The following THSD7B variants were observed in gnomAD, a reference collection of about 807,000 sequenced individuals.
THSD7B encodes the protein thrombospondin type-1 domain-containing protein 7B.
A neutral mutation model predicts 213.6 loss-of-function variants in THSD7B; 138 were observed. The observed-to-expected ratio is 0.65, with a 90% CI of 0.56 to 0.74. THSD7B has a LOEUF of 0.74. THSD7B is among the 30% of genes least tolerant of loss of function. THSD7B has a pLI of 0.00. For synonymous variants in THSD7B, 742 were observed against 687.0 expected (o/e 1.08, Z -1.25); for missense variants, 1,931 against 1,991.5 (o/e 0.97, Z 0.58).
intron 2 of THSD7B, among the ~76,000 whole-genome samples, chr2:137,054,969 C>T (rs1360167685): frequency 6.6e-6 from 1 of 152,030 alleles, no homozygotes; most frequent in Admixed American, 6.6e-5. Flanking sequence ...GGGTGATATT[C>T]CCCTCCCTGT....
chr2:136,984,086 T>C (rs1685631206), intron 2 of THSD7B, among the ~76,000 whole-genome samples: 1 of 152,232 alleles, frequency 6.6e-6, no homozygotes, highest in South Asian at 2.1e-4. Context: ...AAAGAAAATA[T>C]TGGATAAGCA....
chr2:137,048,736 A>G (rs913783951), intron 2 of THSD7B, among the ~76,000 whole-genome samples: 6 of 152,206 alleles, frequency 3.9e-5, no homozygotes, highest in Non-Finnish European at 7.3e-5. Context: ...TTCAGCATGT[A>G]TTGATCATTC....
rs139670383 is a variant in THSD7B, at chr2:137,232,979, G to A, written c.1996G>A (p.Glu666Lys). The change falls in exon 9 of 28, where the codon GAG becomes AAG. Residue 666 changes from glutamate to lysine, a missense_variant. By Grantham distance (56) the Glu-to-Lys change is moderately conservative. Transcript: ENST00000409968. ...NDHSCMQLHWETSPWGPCSED... is the reference protein window; with the variant it reads ...NDHSCMQLHWKTSPWGPCSED... ...CCATTCCTGTATGCAGCTTCACTGG[G>A]AGACATCGCCTTGGGGCCCTTGTTC... 254 of 1,613,974 alleles carry A rather than the reference G, an allele frequency of 1.6e-4. 3 individuals are homozygous for A. The African/African-American group carries it at 2.7e-3, about 17-fold the overall frequency.
chr2:137,597,968 A>G (rs1405587371), intron 17 of THSD7B, among the ~76,000 whole-genome samples: 1 of 152,136 alleles, frequency 6.6e-6, no homozygotes, highest in Non-Finnish European at 1.5e-5. Flanking sequence ...AATAAATGGT[A>G]GAAGACATAA....
chr2:137,526,612 C>A (rs1183332493), intron 15 of THSD7B, among the ~76,000 whole-genome samples: 1 of 152,034 alleles, frequency 6.6e-6, no homozygotes, highest in African/African-American at 2.4e-5. Flanking sequence ...TTAGTAGAGA[C>A]AGGGTTTTGC....
intron 1 of THSD7B, among the ~76,000 whole-genome samples, chr2:136,811,406 C>G (rs1259105521): frequency 6.6e-6 from 1 of 152,032 alleles, no homozygotes; most frequent in Non-Finnish European, 1.5e-5. Flanking sequence ...GACTCATGCC[C>G]TTCTTGCTTT....
At chr2:137,281,147 A>C (rs1682999897) in intron 12 of THSD7B, among the ~76,000 whole-genome samples, 1 of 152,086 alleles carries the variant, frequency 6.6e-6, no homozygotes, top group African/African-American at 2.4e-5. Flanking sequence ...AGGTGGACCA[A>C]AAGAGGCAGA....
chr2:136,935,893 A>G (rs2105053938), intron 2 of THSD7B, among the ~76,000 whole-genome samples: 1 of 148,188 alleles, frequency 6.7e-6, no homozygotes, highest in African/African-American at 2.4e-5. Context: ...AATTACATAT[A>G]ATATAGTTAT....
At chr2:137,671,055 C>CA (rs1683561506) in intron 27 of THSD7B, among the ~76,000 whole-genome samples, 1 of 151,890 alleles carries the variant, frequency 6.6e-6, no homozygotes, top group Non-Finnish European at 1.5e-5. Flanking sequence ...TTTCTTTCCA[C>CA]AGTTCACTTC....
intron 12 of THSD7B, among the ~76,000 whole-genome samples, chr2:137,313,247 T>C (rs1417040613): frequency 2.6e-5 from 4 of 152,144 alleles, no homozygotes; most frequent in African/African-American, 7.2e-5. Flanking sequence ...AATTGATCCC[T>C]TTACTATTAT....
At chr2:137,215,002 C>A (rs1681204092) in intron 7 of THSD7B, among the ~76,000 whole-genome samples, 2 of 152,158 alleles carry the variant, frequency 1.3e-5, no homozygotes, top group Non-Finnish European at 2.9e-5. Context: ...CTTGAGGAAT[C>A]CCTACACTGT....
intron 20 of THSD7B, among the ~76,000 whole-genome samples, chr2:137,639,375 T>C (rs1682894949): frequency 6.6e-6 from 1 of 152,154 alleles, no homozygotes; most frequent in Non-Finnish European, 1.5e-5. Context: ...TTTCAGAAGA[T>C]GTATGGAAAC....
intron 3 of THSD7B, among the ~76,000 whole-genome samples, chr2:137,080,840 A>G (rs1687734420): frequency 6.6e-6 from 1 of 152,044 alleles, no homozygotes; most frequent in Non-Finnish European, 1.5e-5. Flanking sequence ...TGTATATTTG[A>G]GAAGTTTCAG....
chr2:136,988,239 G>A (rs967474203), intron 2 of THSD7B, among the ~76,000 whole-genome samples: 2 of 152,160 alleles, frequency 1.3e-5, no homozygotes, highest in Non-Finnish European at 2.9e-5. Context: ...AAGCAAGTGA[G>A]TCAGGAAGTT....
At chr2:137,177,228 A>G (rs949885711) in intron 7 of THSD7B, among the ~76,000 whole-genome samples, 5 of 152,106 alleles carry the variant, frequency 3.3e-5, no homozygotes, top group African/African-American at 1.2e-4. Flanking sequence ...AATTCCATTT[A>G]TTTTCCAGTT....
chr2:137,425,277 T>G (rs1010657334), intron 14 of THSD7B, among the ~76,000 whole-genome samples: 1 of 152,006 alleles, frequency 6.6e-6, no homozygotes, highest in African/African-American at 2.4e-5. Context: ...AGTGCAGTGG[T>G]GCAGTCTCCA....
chr2:137,438,884 A>C (rs1277044406), intron 14 of THSD7B, among the ~76,000 whole-genome samples: 1 of 152,114 alleles, frequency 6.6e-6, no homozygotes, highest in African/African-American at 2.4e-5. Context: ...TTGAGATGAG[A>C]TCATCCTCGG....
At chr2:137,407,733 G>A (rs919400018) in intron 13 of THSD7B, among the ~76,000 whole-genome samples, 2 of 151,848 alleles carry the variant, frequency 1.3e-5, no homozygotes, top group African/African-American at 4.8e-5. Context: ...ATTGAATATG[G>A]GGCCATACAG....
intron 4 of THSD7B, 116 bp downstream of exon 4, chr2:137,095,237 C>T: frequency 7.2e-7 from 1 of 1,383,806 alleles, no homozygotes; most frequent in Admixed American, 2.4e-5. Flanking sequence ...ACTCAGTATA[C>T]AAGTTCCATA....
Sources: allele counts gnomAD v4.1 joint callset (sites outside exome capture counted in the v4.1 genomes callset), GRCh38; gene constraint gnomAD v4.1.1; transcripts MANE v1.5; gene names NCBI Gene and HGNC (gene_info 2026-07-23, HGNC 2026-07-21).